The following TRPC6 variants were observed in gnomAD, a reference collection of about 807,000 sequenced individuals.
TRPC6 encodes the protein transient receptor potential cation channel subfamily C member 6, also known as short transient receptor potential channel 6.
In TRPC6, 55 loss-of-function variants were observed where a neutral mutation model predicts 90.7. The observed-to-expected ratio is 0.61, with a 90% CI of 0.49 to 0.76. The LOEUF (loss-of-function observed/expected upper bound fraction) is 0.76, where lower values mean the gene tolerates loss of function less well. Among genes scored for constraint, TRPC6 ranks in the 30% least tolerant of loss-of-function variants. The pLI is 0.00. For missense variants in TRPC6, 989 were observed against 1,122.7 expected (o/e 0.88, Z 1.70); for synonymous variants, 393 against 393.0 (o/e 1.00, Z 0.00).
At chr11:101,576,847 C>T (rs1163903151) in intron 1 of TRPC6, among the ~76,000 whole-genome samples, 1 of 152,088 alleles carries the variant, frequency 6.6e-6, no homozygotes, top group African/African-American at 2.4e-5. Flanking sequence ...CATTTTGTTA[C>T]AGAATAAATG....
At chr11:101,491,810 G>T in intron 2 of TRPC6, 72 bp from the exon 3 acceptor site, 2 of 1,152,992 alleles carry the variant, frequency 1.7e-6, no homozygotes, top group Non-Finnish European at 2.5e-6. Flanking sequence ...GAGACTTGAA[G>T]GATTTTATAC....
intron 5 of TRPC6, among the ~76,000 whole-genome samples, chr11:101,477,108 T>C (rs546579188): frequency 2.6e-5 from 4 of 151,672 alleles, no homozygotes; most frequent in African/African-American, 7.3e-5. Context: ...TTGGGAGACA[T>C]GGGACTCTTC....
At chr11:101,453,194 A>T in intron 12 of TRPC6, 88 bp from the exon 13 acceptor site, 1 of 1,256,774 alleles carries the variant, frequency 8.0e-7, no homozygotes, top group Non-Finnish European at 1.2e-6. Flanking sequence ...ATCAGCTCTA[A>T]TTTCACACAC....
chr11:101,480,362 G>C (rs930581532), intron 5 of TRPC6, among the ~76,000 whole-genome samples: 1 of 151,782 alleles, frequency 6.6e-6, no homozygotes, highest in Non-Finnish European at 1.5e-5. Context: ...CTCCCTCTTA[G>C]AGACTGCAGT....
At chr11:101,503,821 G>A (rs1278540450) in intron 2 of TRPC6, among the ~76,000 whole-genome samples, 1 of 152,196 alleles carries the variant, frequency 6.6e-6, no homozygotes, top group Non-Finnish European at 1.5e-5. Context: ...AATGCAAAAT[G>A]TCTGGCAGAC....
At chr11:101,470,807 G>GCCC (rs780988436) in intron 9 of TRPC6, among the ~76,000 whole-genome samples, 1 of 32,184 alleles carries the variant, frequency 3.1e-5, no homozygotes, top group Non-Finnish European at 5.3e-5. Flanking sequence ...AAGTTGCCCC[G>GCCC]CCCCCCCCCC....
At chr11:101,552,708 T>C (rs1396733215) in intron 1 of TRPC6, among the ~76,000 whole-genome samples, 1 of 152,138 alleles carries the variant, frequency 6.6e-6, no homozygotes, top group African/African-American at 2.4e-5. Context: ...ATGATAAATG[T>C]CTCAAACTCT....
At chr11:101,580,353 C>A (rs1413542245) in intron 1 of TRPC6, among the ~76,000 whole-genome samples, 1 of 152,100 alleles carries the variant, frequency 6.6e-6, no homozygotes, top group African/African-American at 2.4e-5. Context: ...TGCTAATCAC[C>A]ATTACAAATT....
chr11:101,569,937 C>G (rs1214303798), intron 1 of TRPC6, among the ~76,000 whole-genome samples: 1 of 151,518 alleles, frequency 6.6e-6, no homozygotes, highest in African/African-American at 2.4e-5. Flanking sequence ...AAAATTGACA[C>G]CCGAACATCA....
intron 9 of TRPC6, 43 bp from the exon 10 acceptor site, chr11:101,469,544 A>T (rs1191014367): frequency 4.2e-6 from 3 of 716,372 alleles, no homozygotes; most frequent in Non-Finnish European, 7.8e-6. Flanking sequence ...TGCATAACCA[A>T]TTTCACTCTT....
chr11:101,523,637 A>C lies in TRPC6; in HGVS notation c.171-18839T>G, dbSNP rs146027476. 6.2e-3 allele frequency among the ~76,000 whole-genome samples: 951 copies of C among 152,288 alleles called. 16 individuals are homozygous for C. The highest frequency in any genetic ancestry group is 0.021 in the African/African-American group (887 of 41,556). ...AAGCAAGAATTCCACATTTTCTCTT[A>C]GTTTAGACAGGAGTTCATTTCACAG... On this transcript the variant is annotated intron_variant, in intron 1 of 12. Transcript: ENST00000344327.
At chr11:101,528,022 G>A (rs935610661) in intron 1 of TRPC6, among the ~76,000 whole-genome samples, 14 of 152,228 alleles carry the variant, frequency 9.2e-5, no homozygotes, top group Admixed American at 2.6e-4. Context: ...GCAATGAGCC[G>A]AGATCGTGCC....
intron 5 of TRPC6, among the ~76,000 whole-genome samples, chr11:101,480,035 A>G (rs1439924229): frequency 2.0e-5 from 3 of 151,994 alleles, no homozygotes; most frequent in African/African-American, 7.2e-5. Flanking sequence ...AAAATTAGCC[A>G]GGCGTGATAG....
chr11:101,563,286 T>A (rs1861754824), intron 1 of TRPC6, among the ~76,000 whole-genome samples: 2 of 152,098 alleles, frequency 1.3e-5, no homozygotes, highest in Non-Finnish European at 2.9e-5. Context: ...GGGAATAGAA[T>A]AGGATAAGAA....
chr11:101,533,861 T>C (rs1287678681), intron 1 of TRPC6, among the ~76,000 whole-genome samples: 1 of 152,222 alleles, frequency 6.6e-6, no homozygotes, highest in African/African-American at 2.4e-5. Flanking sequence ...GCTTGTTTGA[T>C]GTATTCACAG....
chr11:101,491,513 C>T, intron 3 of TRPC6, 43 bp downstream of exon 3: 1 of 1,608,158 alleles, frequency 6.2e-7, no homozygotes, highest in Non-Finnish European at 8.5e-7. Flanking sequence ...TTAGCACCAA[C>T]AAGAACCAAA....
At chr11:101,578,061 C>T (rs979571770) in intron 1 of TRPC6, among the ~76,000 whole-genome samples, 6 of 152,116 alleles carry the variant, frequency 3.9e-5, no homozygotes, top group African/African-American at 9.7e-5. Context: ...AGGAGGAAAT[C>T]TCTTTGTTGA....
intron 2 of TRPC6, among the ~76,000 whole-genome samples, chr11:101,502,170 A>G (rs1860144784): frequency 1.3e-5 from 2 of 152,194 alleles, no homozygotes; most frequent in Non-Finnish European, 2.9e-5. Flanking sequence ...CGTCTTCATC[A>G]TCGTGTGGAG....
At chr11:101,467,676 C>T (rs1859181845) in intron 10 of TRPC6, among the ~76,000 whole-genome samples, 1 of 152,196 alleles carries the variant, frequency 6.6e-6, no homozygotes, top group Non-Finnish European at 1.5e-5. Flanking sequence ...TAGGCTTCTT[C>T]TGTAAAGAGC....
Sources: allele counts gnomAD v4.1 joint callset (sites outside exome capture counted in the v4.1 genomes callset), GRCh38; gene constraint gnomAD v4.1.1; transcripts MANE v1.5; gene names NCBI Gene and HGNC (gene_info 2026-07-23, HGNC 2026-07-21).